Variants in RNF180 observed in about 807,000 individuals in gnomAD.
RNF180 encodes the protein ring finger protein 180.
RNF180 carries 38 observed loss-of-function variants against 59.2 expected under a neutral mutation model. That is an observed-to-expected ratio of 0.64 (90% CI 0.50 to 0.84). The LOEUF (loss-of-function observed/expected upper bound fraction) is 0.84. Among genes scored for constraint, RNF180 ranks in the 40% least tolerant of loss-of-function variants. The probability of loss-of-function intolerance (pLI) is 0.00; values close to 1 mark genes in which losing one functional copy is unlikely to be tolerated. For synonymous variants in RNF180, 262 were observed against 240.3 expected, an observed-to-expected ratio of 1.09 and a Z score of -0.84; for missense variants, 705 against 700.9, an observed-to-expected ratio of 1.01 and a Z score of -0.07.
At chr5:64,211,290 C>A (rs932104407) in intron 2 of RNF180, among the ~76,000 whole-genome samples, 1 of 151,988 alleles carries the variant, frequency 6.6e-6, no homozygotes, top group Non-Finnish European at 1.5e-5. Flanking sequence ...GGATTTGGGG[C>A]AATAGGCAGC....
At chr5:64,352,180 T>A (rs1026296594) in intron 7 of RNF180, among the ~76,000 whole-genome samples, 1 of 152,154 alleles carries the variant, frequency 6.6e-6, no homozygotes, top group Non-Finnish European at 1.5e-5. Context: ...ATTTTCTAGT[T>A]TATTTGCATA....
intron 5 of RNF180, among the ~76,000 whole-genome samples, chr5:64,235,830 A>G (rs966271634): frequency 1.3e-5 from 2 of 152,176 alleles, no homozygotes; most frequent in Admixed American, 1.3e-4. Flanking sequence ...TCCTGTCACC[A>G]TGTAAGACAT....
chr5:64,277,927 A>G (rs1311020982), intron 5 of RNF180, among the ~76,000 whole-genome samples: 1 of 152,174 alleles, frequency 6.6e-6, no homozygotes, highest in Non-Finnish European at 1.5e-5. Context: ...TCTGCATTCT[A>G]TAATGGAGAA....
At chr5:64,257,101 G>T (rs1744015291) in intron 5 of RNF180, among the ~76,000 whole-genome samples, 1 of 152,088 alleles carries the variant, frequency 6.6e-6, no homozygotes. Flanking sequence ...GGAGATTTTG[G>T]GCTGAGATGA....
At chr5:64,272,046 TTTCA>T (rs1741441103) in intron 5 of RNF180, among the ~76,000 whole-genome samples, 1 of 152,110 alleles carries the variant, frequency 6.6e-6, no homozygotes, top group African/African-American at 2.4e-5. Context: ...GTAACTTCTC[TTTCA>T]TTCAACAAAT....
chr5:64,333,003 A>T (rs1367923734), intron 7 of RNF180, among the ~76,000 whole-genome samples: 1 of 152,144 alleles, frequency 6.6e-6, no homozygotes, highest in Non-Finnish European at 1.5e-5. Flanking sequence ...TGGTGCATGA[A>T]ATTGGTACTC....
chr5:64,244,905 A>G (rs1468776028), intron 5 of RNF180, among the ~76,000 whole-genome samples: 2 of 152,232 alleles, frequency 1.3e-5, no homozygotes, highest in Admixed American at 6.5e-5. Flanking sequence ...CAGAAAGCCT[A>G]CAAGCCAGAA....
intron 5 of RNF180, among the ~76,000 whole-genome samples, chr5:64,258,844 A>C (rs1052740288): frequency 3.9e-5 from 6 of 152,228 alleles, no homozygotes; most frequent in Non-Finnish European, 7.3e-5. Context: ...ACTTGTAGAT[A>C]CAGCTTGTGG....
At chr5:64,273,423 G>A (rs1021114545) in intron 5 of RNF180, among the ~76,000 whole-genome samples, 18 of 151,382 alleles carry the variant, frequency 1.2e-4, no homozygotes, top group African/African-American at 3.9e-4. Flanking sequence ...ACTTAAAACA[G>A]AAGAGAAAAA....
rs184596866 is a variant in RNF180 at position 64,307,012 on chromosome 5, A to T, written c.1228-18174A>T. ...AAAAATAAAAAAATAAAAATAAAAA[A>T]AAAGATGTGACCATAAAATGGTTAA... On this transcript the variant is annotated intron_variant, in intron 5 of 7. Coordinates refer to ENST00000389100, the MANE Select transcript of RNF180 (RefSeq NM_001113561.2). 2.8e-3 allele frequency among the ~76,000 whole-genome samples: 417 copies of T among 151,462 alleles called. 1 individual carries two copies. Among genetic ancestry groups the T allele is most frequent in the African/African-American group, 7.7e-3 (317 of 41,418 alleles).
At chr5:64,318,510 C>T (rs1744182883) in intron 5 of RNF180, among the ~76,000 whole-genome samples, 1 of 152,058 alleles carries the variant, frequency 6.6e-6, no homozygotes. Flanking sequence ...AATGAAACTA[C>T]AGAAAGTGAA....
intron 7 of RNF180, among the ~76,000 whole-genome samples, chr5:64,353,056 AT>A (rs1226498768): frequency 6.6e-6 from 1 of 151,882 alleles, no homozygotes; most frequent in African/African-American, 2.4e-5. Context: ...TAAATTTGTA[AT>A]ATATTACACA....
At chr5:64,185,430 G>C (rs999069967) in intron 1 of RNF180, among the ~76,000 whole-genome samples, 4 of 151,972 alleles carry the variant, frequency 2.6e-5, no homozygotes, top group African/African-American at 9.7e-5. Context: ...CTAGGGAAAG[G>C]GCAGAAGCTT....
At chr5:64,205,976 GA>G (rs1041395241) in intron 2 of RNF180, among the ~76,000 whole-genome samples, 16 of 151,244 alleles carry the variant, frequency 1.1e-4, no homozygotes, top group African/African-American at 3.9e-4. Flanking sequence ...CATTCTCTAG[GA>G]AAAAAAAAGT....
chr5:64,220,465 T>G (rs1422282549), intron 5 of RNF180, among the ~76,000 whole-genome samples: 5 of 152,038 alleles, frequency 3.3e-5, no homozygotes, highest in African/African-American at 1.2e-4. Flanking sequence ...CTGATTTGTT[T>G]TGCAACTTCA....
rs183030347 is a variant in RNF180 at position 64,223,082 on chromosome 5, C to T, written c.1227+5686C>T. ...GAAGGTCACAAATCTGAAAATGGGC[C>T]TTGTGGGGCTGATATCAATATGTTG... On this transcript the variant is annotated intron_variant, in intron 5 of 7. Transcript: ENST00000389100. Among the ~76,000 whole-genome samples the T allele has an allele frequency of 2.0e-5, 3 of 152,214 alleles. 1 individual carries two copies. Among genetic ancestry groups the T allele is most frequent in the Non-Finnish European group, 2.9e-5 (2 of 68,014 alleles).
chr5:64,217,243 T>C, intron 4 of RNF180, 118 bp from the exon 5 acceptor site: 3 of 1,168,386 alleles, frequency 2.6e-6, no homozygotes, highest in Non-Finnish European at 3.3e-6. Context: ...ATCCACAGTT[T>C]ATCCATTCAG....
chr5:64,246,435 A>G (rs1270799544), intron 5 of RNF180, among the ~76,000 whole-genome samples: 2 of 152,216 alleles, frequency 1.3e-5, no homozygotes, highest in African/African-American at 4.8e-5. Flanking sequence ...GGATATCACT[A>G]GTGATCCCAC....
intron 7 of RNF180, among the ~76,000 whole-genome samples, chr5:64,353,644 A>G (rs993223855): frequency 2.0e-4 from 30 of 151,826 alleles, no homozygotes; most frequent in African/African-American, 6.8e-4. Context: ...CCTATTAACT[A>G]AGGAAAAAAT....
Sources: gnomAD v4.1 joint callset for allele counts (sites outside exome capture counted in the v4.1 genomes callset) on GRCh38, gnomAD v4.1.1 for gene constraint, MANE v1.5 for transcripts, NCBI Gene and HGNC (gene_info 2026-07-23, HGNC 2026-07-21) for gene names.